GRXCR1: variants seen among roughly 807,000 people sequenced by gnomAD.
GRXCR1 encodes the protein glutaredoxin and cysteine rich domain containing 1, also known as glutaredoxin domain-containing cysteine-rich protein 1.
A neutral mutation model predicts 27.3 loss-of-function variants in GRXCR1; 27 were observed. That is an observed-to-expected ratio of 0.99 (90% CI 0.73 to 1.37). The LOEUF is 1.37. Ranked by LOEUF, GRXCR1 falls within the 40% of genes most tolerant of loss-of-function variation. The pLI is 0.00. For synonymous variants in GRXCR1, 122 were observed against 131.1 expected (o/e 0.93, Z 0.47); for missense variants, 379 against 354.4 (o/e 1.07, Z -0.56).
chr4:43,028,940 T>C (rs1713338090), intron 3 of GRXCR1, among the ~76,000 whole-genome samples: 1 of 152,196 alleles, frequency 6.6e-6, no homozygotes, highest in Non-Finnish European at 1.5e-5. Flanking sequence ...TTCAGTGCCA[T>C]TAGAAACGAG....
intron 1 of GRXCR1, among the ~76,000 whole-genome samples, chr4:42,939,371 A>C (rs1747548798): frequency 2.0e-5 from 3 of 152,078 alleles, no homozygotes; most frequent in Non-Finnish European, 4.4e-5. Flanking sequence ...AAGTTTACTG[A>C]ATTTGTTTAT....
At chr4:42,921,486 A>G (rs769923769) in intron 1 of GRXCR1, among the ~76,000 whole-genome samples, 12 of 152,090 alleles carry the variant, frequency 7.9e-5, no homozygotes, top group African/African-American at 2.4e-4. Context: ...AGGAAATACT[A>G]TGATGGCAGA....
chr4:42,962,878 T>A lies in GRXCR1; in HGVS notation c.385-14T>A. 6.2e-7 allele frequency: 1 copy of A among 1,612,274 alleles called. No homozygotes were observed. Among genetic ancestry groups the A allele is most frequent in the Non-Finnish European group, 8.5e-7 (1 of 1,178,634 alleles). On this transcript the variant is annotated splice_polypyrimidine_tract_variant and intron_variant, in intron 1 of 3. Coordinates refer to ENST00000399770, the MANE Select transcript of GRXCR1 (RefSeq NM_001080476.3). The stretch of plus-strand genomic sequence containing the variant: ...AAAAGCAAACATTCTTACAACTCAA[T>A]GTTTTCCCTTCAGCAACCATCAACT...
intron 2 of GRXCR1, among the ~76,000 whole-genome samples, chr4:42,980,960 G>GT (rs71201822): frequency 0.023 from 3,356 of 143,548 alleles, 56 homozygotes; most frequent in East Asian, 0.064. Flanking sequence ...TTTTTTTTGT[G>GT]TTTTTTTTTT....
chr4:42,980,417 A>AT (rs375330105), intron 2 of GRXCR1, among the ~76,000 whole-genome samples: 5 of 151,864 alleles, frequency 3.3e-5, no homozygotes, highest in Admixed American at 3.3e-4. Context: ...TTCAGGAATA[A>AT]TTTTTTAATT....
At chr4:43,012,130 T>C (rs1712769495) in intron 2 of GRXCR1, among the ~76,000 whole-genome samples, 1 of 152,358 alleles carries the variant, frequency 6.6e-6, no homozygotes, top group East Asian at 1.9e-4. Flanking sequence ...TTGACTCAAT[T>C]TTCCTTAGCA....
At chr4:42,934,235 T>A (rs1046120902) in intron 1 of GRXCR1, among the ~76,000 whole-genome samples, 4 of 76,060 alleles carry the variant, frequency 5.3e-5, no homozygotes, top group Admixed American at 2.1e-4. Flanking sequence ...GTGTATGATG[T>A]GATATTATAT....
intron 2 of GRXCR1, among the ~76,000 whole-genome samples, chr4:42,981,581 T>C (rs1420127504): frequency 6.6e-6 from 1 of 152,232 alleles, no homozygotes; most frequent in Non-Finnish European, 1.5e-5. Context: ...TCTTTTCTTT[T>C]AGCTTGAAGA....
At chr4:42,897,384 T>C (rs1439670842) in intron 1 of GRXCR1, among the ~76,000 whole-genome samples, 1 of 152,086 alleles carries the variant, frequency 6.6e-6, no homozygotes, top group Non-Finnish European at 1.5e-5. Flanking sequence ...TTTAATTTCC[T>C]TTCCTTCTCC....
chr4:42,977,582 A>G (rs1012467299), intron 2 of GRXCR1, among the ~76,000 whole-genome samples: 3 of 151,990 alleles, frequency 2.0e-5, no homozygotes, highest in Admixed American at 6.6e-5. Context: ...CATTTAAAAA[A>G]TGTAACTATT....
At chr4:43,010,944 G>A (rs1423518654) in intron 2 of GRXCR1, among the ~76,000 whole-genome samples, 2 of 152,100 alleles carry the variant, frequency 1.3e-5, no homozygotes, top group Non-Finnish European at 2.9e-5. Flanking sequence ...TTTGAAAAGT[G>A]AGGTTTTGAG....
chr4:42,906,291 T>A (rs184864080), intron 1 of GRXCR1, among the ~76,000 whole-genome samples: 26 of 152,300 alleles, frequency 1.7e-4, no homozygotes, highest in Admixed American at 1.7e-3. Context: ...GCTGTCCAAT[T>A]TTAAAAAGAT....
chr4:43,016,748 T>C (rs1712944214), intron 2 of GRXCR1, among the ~76,000 whole-genome samples: 1 of 152,120 alleles, frequency 6.6e-6, no homozygotes, highest in Non-Finnish European at 1.5e-5. Context: ...AATGAATGGA[T>C]AAATGCATGA....
At chr4:43,014,411 C>G (rs1411601945) in intron 2 of GRXCR1, among the ~76,000 whole-genome samples, 4 of 152,102 alleles carry the variant, frequency 2.6e-5, no homozygotes, top group Non-Finnish European at 5.9e-5. Flanking sequence ...ATTTACGGAG[C>G]ACATCTTTTG....
chr4:42,894,027 A>G (rs1746294738), intron 1 of GRXCR1, among the ~76,000 whole-genome samples: 1 of 152,198 alleles, frequency 6.6e-6, no homozygotes, highest in South Asian at 2.1e-4. Context: ...TGTAGCATTT[A>G]TCATTACTTA....
chr4:43,030,342 C>T lies in GRXCR1; in HGVS notation c.694-19C>T, dbSNP rs1713386428. 1.2e-6 allele frequency: 2 copies of T among 1,612,056 alleles called. No homozygotes were observed. Among genetic ancestry groups the T allele is most frequent in the Admixed American group, 3.3e-5 (2 of 60,004 alleles). On this transcript the variant is annotated intron_variant, in intron 3 of 3. Coordinates refer to ENST00000399770, the MANE Select transcript of GRXCR1 (RefSeq NM_001080476.3). ...AACACATCCTCTGTTTTCTCTTGTT[C>T]CCCTGCCACCTTATACAGAGAGTAC...
At chr4:42,965,972 A>C (rs1171229226) in intron 2 of GRXCR1, among the ~76,000 whole-genome samples, 1 of 152,008 alleles carries the variant, frequency 6.6e-6, no homozygotes, top group Non-Finnish European at 1.5e-5. Flanking sequence ...AAGGACACTA[A>C]GCTCTTTTTT....
At chr4:42,966,859 T>A (rs1002832066) in intron 2 of GRXCR1, among the ~76,000 whole-genome samples, 2 of 152,128 alleles carry the variant, frequency 1.3e-5, no homozygotes, top group Non-Finnish European at 2.9e-5. Flanking sequence ...AGGTGTCTGT[T>A]AAGGTCTTTG....
intron 2 of GRXCR1, among the ~76,000 whole-genome samples, chr4:42,979,552 T>C (rs1179808439): frequency 6.6e-6 from 1 of 152,110 alleles, no homozygotes; most frequent in Non-Finnish European, 1.5e-5. Flanking sequence ...TGCTAGTATA[T>C]TGTTGAGGAT....
Sources: allele counts gnomAD v4.1 joint callset (sites outside exome capture counted in the v4.1 genomes callset), GRCh38; gene constraint gnomAD v4.1.1; transcripts MANE v1.5; gene names NCBI Gene and HGNC (gene_info 2026-07-23, HGNC 2026-07-21).